The following AGRN variants were observed in gnomAD, a reference collection of about 807,000 sequenced individuals.
AGRN encodes the protein agrin.
AGRN carries 106 observed loss-of-function variants against 211.0 expected under a neutral mutation model. The ratio of observed to expected loss-of-function variants is 0.50; its 90% CI spans 0.43 to 0.59. The LOEUF (loss-of-function observed/expected upper bound fraction) is 0.59, where lower values mean the gene tolerates loss of function less well. Among genes scored for constraint, AGRN ranks in the 20% least tolerant of loss-of-function variants. The pLI is 0.00. For synonymous variants in AGRN, 1,525 were observed against 1,332.5 expected (o/e 1.14, Z -3.15); for missense variants, 3,040 against 2,982.6 (o/e 1.02, Z -0.45).
chr1:1,028,560 ACCC>A (rs2100582919), intron 2 of AGRN, among the ~76,000 whole-genome samples: 1 of 138,018 alleles, frequency 7.2e-6, no homozygotes, highest in African/African-American at 2.7e-5. Flanking sequence ...CAGCCACGCC[ACCC>A]TTTCCGAAGG....
At chr1:1,035,090 G>A in intron 2 of AGRN, 187 bp from the exon 3 acceptor site, 1 of 695,918 alleles carries the variant, frequency 1.4e-6, no homozygotes, top group East Asian at 2.7e-5. Context: ...AGAAAAGCAG[G>A]GGCCTCTGTC....
intron 26 of AGRN, 37 bp downstream of exon 26, chr1:1,049,832 C>CG: frequency 1.2e-6 from 2 of 1,609,884 alleles, no homozygotes; most frequent in African/African-American, 1.3e-5. Context: ...AGTGGGACCC[C>CG]GGGGCCTGTG....
At chr1:1,042,958 G>A (rs1644985676) in intron 7 of AGRN, among the ~76,000 whole-genome samples, 1 of 152,066 alleles carries the variant, frequency 6.6e-6, no homozygotes, top group African/African-American at 2.4e-5. Context: ...GGCTGGGGAA[G>A]CCTGGCCCTC....
rs781176261 is a variant in AGRN, at chr1:1,051,499, G to A, written c.5417G>A (p.Arg1806Gln). 7.0e-6 allele frequency: 11 copies of A among 1,568,432 alleles called. No individual in the cohort carries two copies. Among genetic ancestry groups the A allele is most frequent in the Admixed American group, 1.8e-5 (1 of 56,232 alleles). Residue 1806 changes from arginine to glutamine, a missense_variant, in exon 32 of 36, where the codon CGG (arginine) becomes CAG (glutamine). Physicochemically the swap from Arg to Gln is conservative, Grantham distance 43 (BLOSUM62 1). Transcript: ENST00000379370. Reference protein sequence around the residue: ...RQLLTPEHVLRQVDVTSFAGH... With the variant: ...RQLLTPEHVLQQVDVTSFAGH... Reference sequence around the variant, plus strand: ...CTGCTGACCCCGGAGCACGTGCTGCGGCAGGTGGACGTCACGTCCTTTGCA... The same window carrying A: ...CTGCTGACCCCGGAGCACGTGCTGCAGCAGGTGGACGTCACGTCCTTTGCA...
At position 1,051,630 on chromosome 1, in the gene AGRN, C is replaced by A. The variant is rs1174798357; in HGVS notation, c.5548C>A (p.Pro1850Thr). 6.2e-7 allele frequency: 1 copy of A among 1,611,372 alleles called. No homozygotes were observed. Among genetic ancestry groups the A allele is most frequent in the Non-Finnish European group, 8.5e-7 (1 of 1,179,046 alleles). Reference protein sequence around the residue: ...VCLCPGGFSGPHCEKGLVEKS... With the variant: ...VCLCPGGFSGTHCEKGLVEKS... ...CCTGTGTCCCGGGGGATTCTCAGGA[C>A]CGCACTGCGAGAAGGGTGAGCCTGG... Residue 1850 changes from proline to threonine, a missense_variant, in exon 32 of 36, where the codon CCG becomes ACG. Physicochemically the swap from Pro to Thr is conservative, Grantham distance 38. Around this residue, in one of 3 missense-constraint regions of AGRN, gnomAD observed 1,537 missense variants for 1,505.0 expected, o/e 1.02. Transcript: ENST00000379370.
At chr1:1,029,492 A>C (rs1466912997) in intron 2 of AGRN, among the ~76,000 whole-genome samples, 1 of 85,706 alleles carries the variant, frequency 1.2e-5, no homozygotes, top group Non-Finnish European at 2.3e-5. Context: ...GAGAGAATTG[A>C]GGCTGGGGCT....
rs887380337 is a variant in AGRN, at chr1:1,031,450, G to A, written c.464-3827G>A. 6.6e-6 allele frequency among the ~76,000 whole-genome samples: 1 copy of A among 152,168 alleles called. No homozygotes were observed. The highest frequency in any genetic ancestry group is 1.5e-5 in the Non-Finnish European group (1 of 68,018). ...TCGCCTGAGCTCCCTCCCTGGCTGG[G>A]CCTGGGGCCTCAATGGCCCTTTGTC... On this transcript the variant is annotated intron_variant, in intron 2 of 35. Transcript: ENST00000379370. The surrounding 1 kb of genome is among the most constrained non-coding windows in gnomAD (Gnocchi z 4.8).
Position 1,042,149 on chromosome 1 carries a change from C to A in AGRN, c.1371C>A (p.His457Gln). 1 of 1,597,354 alleles carries A rather than the reference C, an allele frequency of 6.3e-7. No individual in the cohort carries two copies. Among genetic ancestry groups the A allele is most frequent in the Non-Finnish European group, 8.5e-7 (1 of 1,176,698 alleles). Reference protein sequence around the residue: ...CRQQRAIPSKHQGPCDQAPSP... With the variant: ...CRQQRAIPSKQQGPCDQAPSP... ...AGCAGCGTGCCATCCCCAGCAAGCACCAGGGCCCGTGTGGTGAGCGCCCCG... is the reference window on the plus strand; with the variant it reads ...AGCAGCGTGCCATCCCCAGCAAGCAACAGGGCCCGTGTGGTGAGCGCCCCG... Residue 457 changes from histidine to glutamine, a missense_variant, in exon 7 of 36, where the codon CAC becomes CAA. His to Gln is a conservative substitution (Grantham distance 24). This residue lies in a region of AGRN where 1,498 missense variants were observed against 1,457.8 expected (regional missense o/e 1.03). Coordinates refer to ENST00000379370, the MANE Select transcript of AGRN (RefSeq NM_198576.4).
rs771499386 is a variant in AGRN at position 1,048,908 on chromosome 1, C to T, written c.4147C>T (p.Leu1383=). 2 of 1,554,570 alleles carry T rather than the reference C, an allele frequency of 1.3e-6. No individual in the cohort carries two copies. The highest frequency in any genetic ancestry group is 1.7e-6 in the Non-Finnish European group (2 of 1,150,022). Residue 1383 remains leucine, a synonymous_variant, in exon 24 of 36, where the codon CTG becomes TTG. Coordinates refer to ENST00000379370, the MANE Select transcript of AGRN (RefSeq NM_198576.4). This position sits in a 1 kb window ranked among gnomAD's most constrained non-coding sequence, Gnocchi z 5.9. The part of the protein sequence containing the change: ...PVPAFEGRSF[L]AFPTLRAYHT... ...GCCGGCCTTCGAGGGCCGCTCCTTC[C>T]TGGCCTTCCCCACTCTCCGCGCCTA...
In AGRN at chr1:1,050,077, G is replaced by T. The variant is rs768890712; in HGVS notation, c.4879+40G>T. Reference sequence around the variant, plus strand: ...GCTCTCGGGGCAGGGGGGGGGGGGGGGTTGAACGTTTGGGCGGGTACAGGT... The same window carrying T: ...GCTCTCGGGGCAGGGGGGGGGGGGGTGTTGAACGTTTGGGCGGGTACAGGT... On this transcript the variant is annotated intron_variant, in intron 27 of 35. Coordinates refer to ENST00000379370, the MANE Select transcript of AGRN (RefSeq NM_198576.4). 1.9e-4 allele frequency: 283 copies of T among 1,518,966 alleles called. 5 individuals are homozygous for T. In the East Asian group the frequency reaches 2.8e-3, roughly 15 times the overall value. 94.1% of individuals were successfully genotyped at this position (1,518,966 alleles called of 1,614,324 possible).
intron 2 of AGRN, among the ~76,000 whole-genome samples, chr1:1,027,037 C>G (rs112548564): frequency 2.0e-5 from 3 of 152,288 alleles, no homozygotes; most frequent in Admixed American, 6.5e-5. Flanking sequence ...GCCTCTCCCC[C>G]CAGCACAGAT....
intron 33 of AGRN, chr1:1,053,431 C>T (rs532912628): frequency 2.1e-6 from 3 of 1,417,002 alleles, no homozygotes; most frequent in East Asian, 6.7e-5. Context: ...GTCCCCTGCT[C>T]ACCCGCCTCC....
rs1460725255 is a variant in AGRN, at chr1:1,049,111, C to G, written c.4298+52C>G. 1.8e-5 allele frequency: 6 copies of G among 342,470 alleles called. No individual in the cohort carries two copies. In the African/African-American group the frequency reaches 2.2e-4, roughly 13 times the overall value. The allele number at this position is 342,470 out of a possible 1,614,324, so 21.2% of individuals were successfully genotyped here. A position where few individuals can be genotyped will look rare whatever the true frequency, so the allele number is the denominator to read the frequency against. ...GCAGCTCAGGTGGGCGGGGAGGGGACGGGCGGGGGAGGGGGGGCCGGGGCA... is the reference window on the plus strand; with the variant it reads ...GCAGCTCAGGTGGGCGGGGAGGGGAGGGGCGGGGGAGGGGGGGCCGGGGCA... On this transcript the variant is annotated intron_variant, in intron 24 of 35. Transcript: ENST00000379370.
chr1:1,041,995 T>G lies in AGRN; in HGVS notation c.1217T>G (p.Leu406Arg). 6.2e-7 allele frequency: 1 copy of G among 1,611,392 alleles called. No homozygotes were observed. Among genetic ancestry groups the G allele is most frequent in the Non-Finnish European group, 8.5e-7 (1 of 1,179,644 alleles). ...CCCTGCCGGTTCAATGCCGTGTGCC[T>G]GTCCCGCCGTGGCCGTCCCCGCTGC... is the stretch of plus-strand genomic sequence containing the variant. ...PEPCRFNAVC[L>R]SRRGRPRCSC... Residue 406 changes from leucine (L) to arginine (R), a missense_variant, in exon 7 of 36, where the codon CTG becomes CGG. By Grantham distance (102) the Leu-to-Arg change is moderately radical. Transcript: ENST00000379370.
chr1:1,022,385 A>C lies in AGRN; in HGVS notation c.386A>C (p.Lys129Thr). The change falls in exon 2 of 36, where the codon AAG (lysine) becomes ACG (threonine). Residue 129 changes from lysine to threonine, a missense_variant. Lys to Thr is a moderately conservative substitution (Grantham distance 78). Coordinates refer to ENST00000379370, the MANE Select transcript of AGRN (RefSeq NM_198576.4). ...CCCCCATACCTGTGGCCAGCCCACAAGAACGAGCTGATGCTCAACTCCAGC... is the reference window on the plus strand; with the variant it reads ...CCCCCATACCTGTGGCCAGCCCACACGAACGAGCTGATGCTCAACTCCAGC... ...PAPPYLWPAH[K>T]NELMLNSSLM... 1 of 1,613,410 alleles carries C rather than the reference A, an allele frequency of 6.2e-7. No individual in the cohort carries two copies. The highest frequency in any genetic ancestry group is 2.2e-5 in the East Asian group (1 of 44,890).
intron 1 of AGRN, among the ~76,000 whole-genome samples, chr1:1,021,313 G>T (rs939067656): frequency 2.3e-4 from 35 of 152,182 alleles, no homozygotes; most frequent in African/African-American, 8.2e-4. Flanking sequence ...GGCGATGAAA[G>T]CCACCAGGCC....
At position 1,046,595 on chromosome 1, in the gene AGRN, C is replaced by G. The variant is rs1299006177; in HGVS notation, c.3110C>G (p.Pro1037Arg). 6.2e-7 allele frequency: 1 copy of G among 1,606,492 alleles called. No individual in the cohort carries two copies. The highest frequency in any genetic ancestry group is 8.5e-7 in the Non-Finnish European group (1 of 1,179,628). ...AGCGTCCCCAGGACCACCGTGTGGC[C>G]CGTGCTGACGGTGCCCCCCACGGCA... ...TASVPRTTVWPVLTVPPTAPS... is the reference protein window; with the variant it reads ...TASVPRTTVWRVLTVPPTAPS... The change falls in exon 18 of 36, where the codon CCC becomes CGC. Residue 1037 changes from proline to arginine, a missense_variant. By Grantham distance (103) the Pro-to-Arg change is moderately radical. Around this residue, in one of 3 missense-constraint regions of AGRN, gnomAD observed 1,537 missense variants for 1,505.0 expected, o/e 1.02. Coordinates refer to ENST00000379370, the MANE Select transcript of AGRN (RefSeq NM_198576.4).
At chr1:1,052,760 C>T (rs1401321041) in intron 33 of AGRN, 4 of 145,612 alleles carry the variant, frequency 2.7e-5, no homozygotes, top group African/African-American at 1.1e-4. Flanking sequence ...TGCATGGGTC[C>T]ATGTGTGTAT....
At chr1:1,024,625 G>A (rs551701670) in intron 2 of AGRN, among the ~76,000 whole-genome samples, 1 of 152,068 alleles carries the variant, frequency 6.6e-6, no homozygotes, top group Non-Finnish European at 1.5e-5. Context: ...CACCACCCCT[G>A]CCCGGACACC....
Sources: allele counts gnomAD v4.1 joint callset (sites outside exome capture counted in the v4.1 genomes callset), GRCh38; gene constraint gnomAD v4.1.1; regional missense constraint gnomAD v4.1.1; non-coding constraint Gnocchi (gnomAD v3.1); transcripts MANE v1.5; gene names NCBI Gene and HGNC (gene_info 2026-07-23, HGNC 2026-07-21).